C12orf42: variants seen among roughly 807,000 people sequenced by gnomAD.
C12orf42 encodes uncharacterized protein C12orf42.
In C12orf42, 25 loss-of-function variants were observed where a neutral mutation model predicts 21.6. The observed-to-expected ratio is 1.16, with a 90% CI of 0.84 to 1.62. The LOEUF (loss-of-function observed/expected upper bound fraction) is 1.62. Ranked by LOEUF, C12orf42 falls within the 40% of genes most tolerant of loss-of-function variation. The pLI is 0.00. For synonymous variants in C12orf42, 174 were observed against 175.0 expected (o/e 0.99, Z 0.05); for missense variants, 483 against 459.3 (o/e 1.05, Z -0.47).
chr12:103,528,452 A>G, the C12orf42 span, among the ~76,000 whole-genome samples: 1 of 152,152 alleles, frequency 6.6e-6, no homozygotes, highest in African/African-American at 2.4e-5. Flanking sequence ...GGTGGGGCCT[A>G]TTGGGAGGAT....
chr12:103,531,509 A>T, the C12orf42 span, among the ~76,000 whole-genome samples: 1 of 152,134 alleles, frequency 6.6e-6, no homozygotes. Context: ...CTGTTGTCAA[A>T]AGAAAGCAAA....
chr12:103,473,050 C>T (rs996589624), intron 2 of C12orf42, among the ~76,000 whole-genome samples: 1 of 152,140 alleles, frequency 6.6e-6, no homozygotes, highest in Non-Finnish European at 1.5e-5. Context: ...CAGAGGAAGG[C>T]AGTGTGAGAC....
At chr12:103,302,624 C>A in intron 5 of C12orf42, 65 bp from the exon 6 acceptor site, 1 of 1,357,640 alleles carries the variant, frequency 7.4e-7, no homozygotes. Context: ...ACACCGCACC[C>A]CCGCGACAAC....
At chr12:103,543,932 C>T in the C12orf42 span, among the ~76,000 whole-genome samples, 70 of 147,278 alleles carry the variant, frequency 4.8e-4, no homozygotes, top group Non-Finnish European at 2.8e-4. Flanking sequence ...CTTGCTCTGT[C>T]GCCCAGGCTG....
At chr12:103,057,873 A>G in the C12orf42 span, among the ~76,000 whole-genome samples, 1 of 151,800 alleles carries the variant, frequency 6.6e-6, no homozygotes, top group Admixed American at 6.6e-5. Flanking sequence ...TTGTTTCTTG[A>G]CTTTTTATAA....
At chr12:103,205,156 T>C in the C12orf42 span, among the ~76,000 whole-genome samples, 2 of 152,230 alleles carry the variant, frequency 1.3e-5, no homozygotes, top group South Asian at 2.1e-4. Context: ...TGTGGAACAA[T>C]GGGAACAAAA....
At chr12:103,475,898 A>G (rs1196678602) in intron 2 of C12orf42, among the ~76,000 whole-genome samples, 1 of 152,222 alleles carries the variant, frequency 6.6e-6, no homozygotes, top group African/African-American at 2.4e-5. Context: ...CTTTCTCAAC[A>G]CAAAGCTGTG....
At chr12:103,188,094 G>A in the C12orf42 span, among the ~76,000 whole-genome samples, 1 of 152,092 alleles carries the variant, frequency 6.6e-6, no homozygotes, top group African/African-American at 2.4e-5. Flanking sequence ...CTTCAGAGCT[G>A]GGCTCTGTGT....
the C12orf42 span, among the ~76,000 whole-genome samples, chr12:103,091,759 T>C: frequency 6.6e-6 from 1 of 152,208 alleles, no homozygotes; most frequent in Non-Finnish European, 1.5e-5. Context: ...TAGAAACGCA[T>C]TAAACAATAA....
At chr12:103,077,041 T>C in the C12orf42 span, among the ~76,000 whole-genome samples, 1 of 152,348 alleles carries the variant, frequency 6.6e-6, no homozygotes, top group East Asian at 1.9e-4. Flanking sequence ...TGTACCTGTA[T>C]ATAAACTGTG....
At chr12:103,094,623 A>T in the C12orf42 span, among the ~76,000 whole-genome samples, 2 of 152,146 alleles carry the variant, frequency 1.3e-5, no homozygotes, top group Non-Finnish European at 2.9e-5. Context: ...TAAATACGTT[A>T]TATGTACATG....
chr12:103,546,326 A>C, the C12orf42 span, among the ~76,000 whole-genome samples: 1 of 152,208 alleles, frequency 6.6e-6, no homozygotes, highest in South Asian at 2.1e-4. Context: ...ATTGAGCTCG[A>C]GTGTCTGGAC....
chr12:103,442,997 G>A (rs537586182), intron 2 of C12orf42, among the ~76,000 whole-genome samples: 1 of 152,200 alleles, frequency 6.6e-6, no homozygotes, highest in South Asian at 2.1e-4. Flanking sequence ...GCAGCTTACA[G>A]TCAAATGGAG....
intron 10 of C12orf42, among the ~76,000 whole-genome samples, chr12:103,253,922 A>T (rs1161361042): frequency 1.3e-5 from 2 of 151,796 alleles, no homozygotes; most frequent in Non-Finnish European, 2.9e-5. Context: ...CCCACTCGGT[A>T]GGTTGTCTGT....
rs752067897 is a variant in C12orf42, at chr12:103,368,104, G to A, written c.259+783C>T. ...TATATCCTTTCAGGTCAGTGAAATG[G>A]TCCTAAAAATGGAGTTTATGGACAG... On this transcript the variant is annotated intron_variant, in intron 4 of 5. Transcript: ENST00000548883. 27 of 1,272,006 alleles carry A rather than the reference G, an allele frequency of 2.1e-5. No individual in the cohort carries two copies. The South Asian group carries it at 3.2e-4, about 15-fold the overall frequency. The allele number at this position is 1,272,006 out of a possible 1,614,324, so 78.8% of individuals were successfully genotyped here. A position where few individuals can be genotyped will look rare whatever the true frequency, so the allele number is the denominator to read the frequency against.
chr12:103,553,138 C>A, the C12orf42 span, among the ~76,000 whole-genome samples: 5 of 152,024 alleles, frequency 3.3e-5, no homozygotes, highest in African/African-American at 1.2e-4. Flanking sequence ...CATTGCAGGG[C>A]GTTAAACATT....
At chr12:103,385,588 T>C (rs1395131811) in intron 3 of C12orf42, among the ~76,000 whole-genome samples, 2 of 152,246 alleles carry the variant, frequency 1.3e-5, no homozygotes, top group Non-Finnish European at 2.9e-5. Flanking sequence ...ATAATGTTTT[T>C]AAATGGTAAT....
intron 10 of C12orf42, among the ~76,000 whole-genome samples, chr12:103,256,111 T>TATATACACAC (rs1439188517): frequency 5.9e-5 from 2 of 33,850 alleles, no homozygotes; most frequent in Non-Finnish European, 1.1e-4. Context: ...TATATATATA[T>TATATACACAC]ACACACACAC....
intron 1 of C12orf42, among the ~76,000 whole-genome samples, chr12:103,495,546 G>A (rs1030143052): frequency 6.6e-6 from 1 of 152,038 alleles, no homozygotes; most frequent in African/African-American, 2.4e-5. Context: ...CTCCGCGGGG[G>A]ACCATCTGCT....
Sources: allele counts gnomAD v4.1 joint callset (sites outside exome capture counted in the v4.1 genomes callset), GRCh38; gene constraint gnomAD v4.1.1; transcripts MANE v1.5; gene names NCBI Gene and HGNC (gene_info 2026-07-23, HGNC 2026-07-21).